The following SRRM4 variants were observed in gnomAD, a reference collection of about 807,000 sequenced individuals.
SRRM4 encodes the protein serine/arginine repetitive matrix protein 4.
A neutral mutation model predicts 68.9 loss-of-function variants in SRRM4; 33 were observed. The observed-to-expected ratio is 0.48, with a 90% CI of 0.36 to 0.64. The LOEUF (loss-of-function observed/expected upper bound fraction) is 0.64. Among genes scored for constraint, SRRM4 ranks in the 30% least tolerant of loss-of-function variants. SRRM4 has a pLI of 0.00. For synonymous variants in SRRM4, 318 were observed against 318.8 expected, an observed-to-expected ratio of 1.00 and a Z score of 0.03; for missense variants, 817 against 827.1, an observed-to-expected ratio of 0.99 and a Z score of 0.15.
Position 119,003,045 on chromosome 12 carries a change from G to A in SRRM4, c.131+21032G>A, listed in dbSNP as rs141251151. On this transcript the variant is annotated intron_variant, in intron 1 of 12. Coordinates refer to ENST00000267260, the MANE Select transcript of SRRM4 (RefSeq NM_194286.4). ...AGAGGGGTGACAACACTCATTCAAC[G>A]TCCCACAGCTAGTAAGGGATCAAGC... 2.3e-3 allele frequency among the ~76,000 whole-genome samples: 348 copies of A among 151,886 alleles called. 1 individual carries two copies. Among genetic ancestry groups the A allele is most frequent in the Middle Eastern group, 0.017 (5 of 292 alleles).
intron 7 of SRRM4, 60 bp from the exon 8 acceptor site, chr12:119,130,618 T>A (rs1263917793): frequency 1.6e-5 from 24 of 1,537,444 alleles, no homozygotes; most frequent in East Asian, 2.3e-5. Flanking sequence ...TGGTCCTGCA[T>A]ACATCTCCCT....
intron 1 of SRRM4, among the ~76,000 whole-genome samples, chr12:119,029,298 G>T (rs1361496254): frequency 6.6e-6 from 1 of 152,182 alleles, no homozygotes; most frequent in Non-Finnish European, 1.5e-5. Context: ...TTCTAAGAGT[G>T]ATTGAAGGCG....
At chr12:119,097,444 A>G (rs1400619940) in intron 1 of SRRM4, among the ~76,000 whole-genome samples, 1 of 152,204 alleles carries the variant, frequency 6.6e-6, no homozygotes, top group Non-Finnish European at 1.5e-5. Context: ...TGTTCATTCA[A>G]TGAATGTTCA....
intron 2 of SRRM4, among the ~76,000 whole-genome samples, chr12:119,112,149 T>C (rs1399527558): frequency 6.6e-6 from 1 of 152,200 alleles, no homozygotes; most frequent in African/African-American, 2.4e-5. Flanking sequence ...CTTTATAACA[T>C]ATAAGTGTAG....
At chr12:119,040,381 A>G (rs1953659076) in intron 1 of SRRM4, among the ~76,000 whole-genome samples, 1 of 151,988 alleles carries the variant, frequency 6.6e-6, no homozygotes, top group Non-Finnish European at 1.5e-5. Context: ...CCCAAAGTCC[A>G]TTGTATCATT....
intron 1 of SRRM4, among the ~76,000 whole-genome samples, chr12:119,005,690 T>C (rs541280039): frequency 6.6e-4 from 100 of 152,364 alleles, no homozygotes; most frequent in African/African-American, 2.3e-3. Flanking sequence ...AACGAAATTA[T>C]ATGCATTAAT....
At chr12:119,108,902 AT>A (rs748248729) in intron 2 of SRRM4, among the ~76,000 whole-genome samples, 5 of 151,990 alleles carry the variant, frequency 3.3e-5, no homozygotes, top group African/African-American at 4.8e-5. Context: ...AGTTGATGCA[AT>A]TTCTTCCTAG....
intron 2 of SRRM4, among the ~76,000 whole-genome samples, chr12:119,109,573 T>G (rs2136045512): frequency 6.6e-6 from 1 of 152,286 alleles, no homozygotes; most frequent in African/African-American, 2.4e-5. Flanking sequence ...TCATTTGATC[T>G]TCAATCACTG....
chr12:119,102,763 TC>T (rs1396376989), intron 2 of SRRM4, among the ~76,000 whole-genome samples: 1 of 152,188 alleles, frequency 6.6e-6, no homozygotes, highest in Non-Finnish European at 1.5e-5. Context: ...AGCCACTGAC[TC>T]CCAAATCATA....
chr12:119,048,988 C>A (rs1953724782), intron 1 of SRRM4, among the ~76,000 whole-genome samples: 1 of 152,156 alleles, frequency 6.6e-6, no homozygotes, highest in African/African-American at 2.4e-5. Context: ...TTCAAGACAT[C>A]TTTATTGGAT....
At chr12:119,002,353 C>T (rs761996253) in intron 1 of SRRM4, among the ~76,000 whole-genome samples, 6 of 151,980 alleles carry the variant, frequency 3.9e-5, no homozygotes, top group Non-Finnish European at 5.9e-5. Flanking sequence ...ATCTACTGAA[C>T]GTGTTCCATG....
intron 1 of SRRM4, among the ~76,000 whole-genome samples, chr12:119,048,892 C>T (rs568187892): frequency 9.9e-5 from 15 of 152,194 alleles, no homozygotes; most frequent in Non-Finnish European, 2.1e-4. Flanking sequence ...CCACTGTGCT[C>T]CAGCCTGGGC....
chr12:119,052,721 G>A lies in SRRM4; in HGVS notation c.132-49515G>A, dbSNP rs563531174. Among the ~76,000 whole-genome samples the A allele has an allele frequency of 1.3e-3, 194 of 152,130 alleles. 2 individuals carry two copies. Among genetic ancestry groups the A allele is most frequent in the South Asian group, 7.5e-3 (36 of 4,812 alleles). On this transcript the variant is annotated intron_variant, in intron 1 of 12. Coordinates refer to ENST00000267260, the MANE Select transcript of SRRM4 (RefSeq NM_194286.4). ...TTTTTTGTATTTTTAGTAGAGATGGGGTTTCACCGTGTTAGCCAGAATGGT... is the reference window on the plus strand; with the variant it reads ...TTTTTTGTATTTTTAGTAGAGATGGAGTTTCACCGTGTTAGCCAGAATGGT...
At chr12:119,044,449 G>A (rs574266386) in intron 1 of SRRM4, among the ~76,000 whole-genome samples, 1 of 152,202 alleles carries the variant, frequency 6.6e-6, no homozygotes, top group East Asian at 1.9e-4. Context: ...TCACAGATGG[G>A]GAGACAGGAC....
intron 1 of SRRM4, among the ~76,000 whole-genome samples, chr12:118,992,745 C>T (rs994215673): frequency 6.6e-6 from 1 of 152,122 alleles, no homozygotes; most frequent in African/African-American, 2.4e-5. Context: ...GCCAGGGGGA[C>T]CTTCAGAACT....
intron 1 of SRRM4, among the ~76,000 whole-genome samples, chr12:119,064,539 G>A (rs186306617): frequency 1.7e-3 from 253 of 152,290 alleles, no homozygotes; most frequent in Middle Eastern, 6.8e-3. Flanking sequence ...GGCATGTGGT[G>A]TAGTGGAAAG....
chr12:119,088,737 G>A (rs538217961), intron 1 of SRRM4, among the ~76,000 whole-genome samples: 5 of 152,192 alleles, frequency 3.3e-5, no homozygotes, highest in African/African-American at 1.2e-4. Context: ...GAGATATGAA[G>A]GATGAGTGAG....
chr12:119,109,110 G>A (rs1430309507), intron 2 of SRRM4, among the ~76,000 whole-genome samples: 1 of 152,066 alleles, frequency 6.6e-6, no homozygotes, highest in Non-Finnish European at 1.5e-5. Context: ...TGAAATTCTG[G>A]GTTGAAAATT....
intron 1 of SRRM4, among the ~76,000 whole-genome samples, chr12:118,987,393 G>A (rs1953289359): frequency 6.6e-6 from 1 of 152,118 alleles, no homozygotes; most frequent in Non-Finnish European, 1.5e-5. Context: ...TGATGCTTGG[G>A]TTCTGTGGAC....
Sources: allele counts gnomAD v4.1 joint callset (sites outside exome capture counted in the v4.1 genomes callset), GRCh38; gene constraint gnomAD v4.1.1; transcripts MANE v1.5; gene names NCBI Gene and HGNC (gene_info 2026-07-23, HGNC 2026-07-21).